The following PGM1 variants were observed in gnomAD, a reference collection of about 807,000 sequenced individuals.
The protein encoded by PGM1 is phosphoglucomutase 1, also known as phosphoglucomutase-1.
In PGM1, 52 loss-of-function variants were observed where a neutral mutation model predicts 55.6. The observed-to-expected ratio is 0.94, with a 90% CI of 0.75 to 1.18. The LOEUF (loss-of-function observed/expected upper bound fraction) is 1.18, where lower values mean the gene tolerates loss of function less well. PGM1 is among the 50% of genes most tolerant of loss of function. The probability of loss-of-function intolerance (pLI) is 0.00; values close to 1 mark genes in which losing one functional copy is unlikely to be tolerated. For missense variants in PGM1, 724 were observed against 729.3 expected (o/e 0.99, Z 0.08); for synonymous variants, 287 against 271.7 (o/e 1.06, Z -0.55).
chr1:63,619,063 A>G (rs1648818013), intron 1 of PGM1, among the ~76,000 whole-genome samples: 1 of 152,148 alleles, frequency 6.6e-6, no homozygotes, highest in Non-Finnish European at 1.5e-5. Flanking sequence ...CTTGCCCCAC[A>G]GCTCATAAGT....
chr1:63,659,554 G>A, intron 10 of PGM1, 32 bp from the exon 11 acceptor site: 1 of 1,548,516 alleles, frequency 6.5e-7, no homozygotes. Context: ...TAGAGGAAGT[G>A]ATGGAAAAGC....
chr1:63,617,890 A>G (rs1570483724), intron 1 of PGM1, among the ~76,000 whole-genome samples: 1 of 148,028 alleles, frequency 6.8e-6, no homozygotes, highest in South Asian at 2.1e-4. Context: ...TTTTTTTTTT[A>G]CAAACTCATT....
chr1:63,597,943 G>T (rs1648129688), intron 1 of PGM1, among the ~76,000 whole-genome samples: 1 of 152,054 alleles, frequency 6.6e-6, no homozygotes, highest in Non-Finnish European at 1.5e-5. Context: ...ACTCATTTGT[G>T]CAAACTGTGG....
intron 7 of PGM1, among the ~76,000 whole-genome samples, chr1:63,646,865 C>T (rs1360322602): frequency 6.6e-6 from 1 of 152,068 alleles, no homozygotes; most frequent in African/African-American, 2.4e-5. Flanking sequence ...ATATCCTTGG[C>T]CTGTTTTTCT....
chr1:63,603,068 G>C (rs1460866723), intron 1 of PGM1, among the ~76,000 whole-genome samples: 1 of 152,210 alleles, frequency 6.6e-6, no homozygotes, highest in African/African-American at 2.4e-5. Context: ...GCATGTTTAA[G>C]AGAAAGCTCC....
At chr1:63,596,018 C>T (rs1648055062) in intron 1 of PGM1, among the ~76,000 whole-genome samples, 1 of 152,132 alleles carries the variant, frequency 6.6e-6, no homozygotes, top group African/African-American at 2.4e-5. Flanking sequence ...ATTGCTCTTG[C>T]CAAAGTTACT....
chr1:63,604,959 G>GTGTGTGTGTGTGTGTGTGTGTGTT (rs58900430), intron 1 of PGM1, among the ~76,000 whole-genome samples: 1 of 134,236 alleles, frequency 7.4e-6, no homozygotes. Flanking sequence ...GTGTGTGTGT[G>GTGTGTGTGTGTGTGTGTGTGTGTT]TAAAGAGAGG....
chr1:63,602,011 A>C (rs1222442838), intron 1 of PGM1, among the ~76,000 whole-genome samples: 1 of 152,226 alleles, frequency 6.6e-6, no homozygotes, highest in Non-Finnish European at 1.5e-5. Context: ...AGTGTTTTTG[A>C]AGGATGAAAT....
At chr1:63,636,763 G>A (rs754280612) in intron 6 of PGM1, among the ~76,000 whole-genome samples, 10 of 152,120 alleles carry the variant, frequency 6.6e-5, no homozygotes, top group Non-Finnish European at 1.2e-4. Flanking sequence ...ACACATACAC[G>A]TATAATTTTT....
At chr1:63,607,768 A>G (rs1406776119) in intron 1 of PGM1, among the ~76,000 whole-genome samples, 1 of 152,210 alleles carries the variant, frequency 6.6e-6, no homozygotes, top group African/African-American at 2.4e-5. Context: ...TGATGCGTGT[A>G]GTGCTCAAAG....
intron 1 of PGM1, among the ~76,000 whole-genome samples, chr1:63,607,941 T>C (rs1034564096): frequency 3.9e-5 from 6 of 152,238 alleles, no homozygotes; most frequent in Non-Finnish European, 7.3e-5. Flanking sequence ...TCCAGCCAAT[T>C]TTTGTCTTTT....
At chr1:63,641,019 A>G (rs1209220536) in intron 7 of PGM1, among the ~76,000 whole-genome samples, 2 of 152,250 alleles carry the variant, frequency 1.3e-5, no homozygotes, top group African/African-American at 4.8e-5. Flanking sequence ...AATACTGTTT[A>G]GCCCACATAA....
intron 7 of PGM1, among the ~76,000 whole-genome samples, chr1:63,648,256 C>T (rs1335728843): frequency 6.6e-6 from 1 of 152,128 alleles, no homozygotes. Context: ...GCAGCCGGCA[C>T]CTTCTTCACA....
intron 1 of PGM1, chr1:63,623,520 C>G (rs1648940369): frequency 6.2e-7 from 1 of 1,612,592 alleles, no homozygotes; most frequent in South Asian, 1.1e-5. Flanking sequence ...AAGGTCCTCT[C>G]CCTCTGTTGA....
chr1:63,647,261 T>TATATATATATAG (rs1649674795), intron 7 of PGM1, among the ~76,000 whole-genome samples: 1 of 48,470 alleles, frequency 2.1e-5, no homozygotes, highest in Non-Finnish European at 4.1e-5. Context: ...AAATTTTACA[T>TATATATATATAG]ATATATATAT....
chr1:63,636,218 C>T lies in PGM1; in HGVS notation c.874-16C>T. The stretch of plus-strand genomic sequence containing the variant: ...TTGATTAAAAGGTCTTTCTTTGATC[C>T]TCTCTTCTCCCCAAGGATCGAAACA... On this transcript the variant is annotated splice_polypyrimidine_tract_variant and intron_variant, in intron 5 of 10. Transcript: ENST00000371084. 6.2e-7 allele frequency: 1 copy of T among 1,612,958 alleles called. No individual in the cohort carries two copies. The highest frequency in any genetic ancestry group is 8.5e-7 in the Non-Finnish European group (1 of 1,178,932).
intron 1 of PGM1, chr1:63,594,144 G>A: frequency 3.0e-6 from 3 of 994,952 alleles, no homozygotes; most frequent in Non-Finnish European, 3.6e-6. Context: ...AAGCAGGAAA[G>A]GTTAGACTGC....
chr1:63,628,753 A>G (rs990276623), intron 1 of PGM1, among the ~76,000 whole-genome samples: 1 of 152,190 alleles, frequency 6.6e-6, no homozygotes, highest in East Asian at 1.9e-4. Flanking sequence ...CAGAAGTCCC[A>G]TCTGTCGCCC....
intron 7 of PGM1, among the ~76,000 whole-genome samples, chr1:63,644,549 T>TA (rs1356192914): frequency 6.6e-6 from 1 of 152,240 alleles, no homozygotes; most frequent in Non-Finnish European, 1.5e-5. Flanking sequence ...GCATTATTTT[T>TA]AAAAGCATAA....
Sources: gnomAD v4.1 joint callset for allele counts (sites outside exome capture counted in the v4.1 genomes callset) on GRCh38, gnomAD v4.1.1 for gene constraint, MANE v1.5 for transcripts, NCBI Gene and HGNC (gene_info 2026-07-23, HGNC 2026-07-21) for gene names.